The following WASL variants were observed in gnomAD, a reference collection of about 807,000 sequenced individuals.
WASL encodes WASP like actin nucleation promoting factor.
WASL carries 20 observed loss-of-function variants against 55.5 expected under a neutral mutation model. The observed-to-expected ratio is 0.36, with a 90% confidence interval of 0.25 to 0.52. WASL has a LOEUF of 0.52. WASL is among the 20% of genes least tolerant of loss of function. The pLI, the probability that WASL is intolerant of heterozygous loss-of-function variation, is 0.92. For missense variants in WASL, 504 were observed against 622.5 expected, an observed-to-expected ratio of 0.81 and a Z score of 2.03; for synonymous variants, 249 against 217.6, an observed-to-expected ratio of 1.14 and a Z score of -1.27.
intron 10 of WASL, 47 bp downstream of exon 10, chr7:123,688,995 A>C: frequency 2.1e-6 from 3 of 1,447,690 alleles, no homozygotes; most frequent in Non-Finnish European, 1.9e-6. Flanking sequence ...ACACACACGC[A>C]CACTCTCTCT....
intron 1 of WASL, 88 bp downstream of exon 1, chr7:123,748,530 G>T: frequency 6.9e-7 from 1 of 1,439,028 alleles, no homozygotes; most frequent in Non-Finnish European, 9.6e-7. Context: ...CGCCGCTCCC[G>T]CCTCCTTCCC....
chr7:123,747,713 A>C (rs1205674859), intron 1 of WASL, among the ~76,000 whole-genome samples: 1 of 152,156 alleles, frequency 6.6e-6, no homozygotes, highest in East Asian at 1.9e-4. Context: ...TCACCGCAGT[A>C]TGATCCCGAC....
chr7:123,704,013 T>C (rs1008313134), intron 5 of WASL, among the ~76,000 whole-genome samples: 6 of 152,176 alleles, frequency 3.9e-5, no homozygotes, highest in African/African-American at 1.4e-4. Context: ...CCTGAGACCT[T>C]ATCTTTTACA....
In WASL at chr7:123,684,495, AT is replaced by A. The variant is rs763894667; in HGVS notation, c.*23del. 1.7e-4 allele frequency: 54 copies of A among 320,940 alleles called. No individual in the cohort carries two copies. The highest frequency in any genetic ancestry group is 2.4e-4 in the African/African-American group (5 of 20,466). 19.9% of individuals were successfully genotyped at this position (320,940 alleles called of 1,614,324 possible). A position where few individuals can be genotyped will look rare whatever the true frequency, so the allele number is the denominator to read the frequency against. On this transcript the variant is annotated 3_prime_UTR_variant, in exon 11 of 11. Coordinates refer to ENST00000223023, the MANE Select transcript of WASL (RefSeq NM_003941.4). ...GTGTTTAGTATTTCACCTTAAAAAT[AT>A]ATATATATATATAATATATAGATCA...
chr7:123,747,798 A>G (rs1007642266), intron 1 of WASL, among the ~76,000 whole-genome samples: 1 of 152,186 alleles, frequency 6.6e-6, no homozygotes, highest in African/African-American at 2.4e-5. Context: ...GCTTCCGTCA[A>G]CAACACACAT....
At chr7:123,712,047 T>C (rs1803766764) in intron 1 of WASL, among the ~76,000 whole-genome samples, 1 of 152,134 alleles carries the variant, frequency 6.6e-6, no homozygotes, top group South Asian at 2.1e-4. Flanking sequence ...CCTCCCACTG[T>C]CCTTCTGCCT....
At chr7:123,714,906 A>C (rs1803814646) in intron 1 of WASL, among the ~76,000 whole-genome samples, 3 of 152,168 alleles carry the variant, frequency 2.0e-5, no homozygotes, top group Admixed American at 2.0e-4. Context: ...GTGAGGAGTA[A>C]GTATGGAGGA....
Position 123,692,482 on chromosome 7 carries a change from T to C in WASL, c.1212A>G (p.Gly404=). ...DGDHQVPTTA[G]NKAALLDQIR... ...TTTGATCTAAAAGAGCTGCTTTGTTTCCTGCAGTAGTTGGAACCTGATGGT... is the reference window on the plus strand; with the variant it reads ...TTTGATCTAAAAGAGCTGCTTTGTTCCCTGCAGTAGTTGGAACCTGATGGT... The change falls in exon 9 of 11, where the codon GGA becomes GGG. Residue 404 remains glycine (G), a synonymous_variant. Coordinates refer to ENST00000223023, the MANE Select transcript of WASL (RefSeq NM_003941.4). 6.2e-7 allele frequency: 1 copy of C among 1,614,156 alleles called. No individual in the cohort carries two copies. Among genetic ancestry groups the C allele is most frequent in the Non-Finnish European group, 8.5e-7 (1 of 1,180,038 alleles).
chr7:123,721,718 G>GT (rs1803946868), intron 1 of WASL, among the ~76,000 whole-genome samples: 1 of 152,124 alleles, frequency 6.6e-6, no homozygotes, highest in Non-Finnish European at 1.5e-5. Flanking sequence ...CTGAGGACCA[G>GT]CATGTCCAAC....
chr7:123,728,718 C>A (rs1464661468), intron 1 of WASL, among the ~76,000 whole-genome samples: 2 of 152,060 alleles, frequency 1.3e-5, no homozygotes, highest in South Asian at 2.1e-4. Context: ...CACCTGTAAT[C>A]CCAGCTACTT....
intron 1 of WASL, among the ~76,000 whole-genome samples, chr7:123,718,137 C>G (rs1399282487): frequency 6.6e-6 from 1 of 152,306 alleles, no homozygotes; most frequent in East Asian, 1.9e-4. Flanking sequence ...CAATAAGCTA[C>G]TTGTCTAAAT....
chr7:123,735,380 G>C (rs1804208240), intron 1 of WASL, among the ~76,000 whole-genome samples: 1 of 111,142 alleles, frequency 9.0e-6, no homozygotes, highest in African/African-American at 3.1e-5. Flanking sequence ...CAAAAATGCA[G>C]GAAAAAAAAA....
At chr7:123,698,673 T>TA (rs1362774092) in intron 5 of WASL, among the ~76,000 whole-genome samples, 1 of 152,190 alleles carries the variant, frequency 6.6e-6, no homozygotes, top group African/African-American at 2.4e-5. Context: ...ATAATATGGA[T>TA]AAAATCATTA....
At chr7:123,697,866 T>C (rs1291688820) in intron 5 of WASL, among the ~76,000 whole-genome samples, 2 of 152,234 alleles carry the variant, frequency 1.3e-5, no homozygotes, top group Non-Finnish European at 2.9e-5. Flanking sequence ...ACTTTCCTTC[T>C]GGGAGTCTGA....
chr7:123,701,375 C>T (rs1487077109), intron 5 of WASL, among the ~76,000 whole-genome samples: 2 of 152,110 alleles, frequency 1.3e-5, no homozygotes, highest in Non-Finnish European at 2.9e-5. Flanking sequence ...ACTCAAGTTT[C>T]CCATTAATTA....
intron 1 of WASL, among the ~76,000 whole-genome samples, chr7:123,718,744 G>C (rs1442538620): frequency 6.6e-6 from 1 of 152,166 alleles, no homozygotes; most frequent in East Asian, 1.9e-4. Flanking sequence ...TTAAATGCTT[G>C]CTGTAATGGG....
chr7:123,713,510 ACTTAAC>A (rs1803791945), intron 1 of WASL, among the ~76,000 whole-genome samples: 1 of 152,136 alleles, frequency 6.6e-6, no homozygotes, highest in Non-Finnish European at 1.5e-5. Flanking sequence ...AAATCATATG[ACTTAAC>A]AAAATAAAGT....
At chr7:123,744,529 A>C (rs1246311615) in intron 1 of WASL, among the ~76,000 whole-genome samples, 2 of 152,186 alleles carry the variant, frequency 1.3e-5, no homozygotes, top group Non-Finnish European at 2.9e-5. Context: ...GAGTTAAAGG[A>C]AATAAAGATT....
chr7:123,740,832 T>C (rs1429376393), intron 1 of WASL, among the ~76,000 whole-genome samples: 1 of 152,180 alleles, frequency 6.6e-6, no homozygotes, highest in South Asian at 2.1e-4. Flanking sequence ...GTGATCTTCC[T>C]GCCTCAGCCT....
Sources: allele counts gnomAD v4.1 joint callset (sites outside exome capture counted in the v4.1 genomes callset), GRCh38; gene constraint gnomAD v4.1.1; transcripts MANE v1.5; gene names NCBI Gene and HGNC (gene_info 2026-07-23, HGNC 2026-07-21).